KLHL29: variants seen among roughly 807,000 people sequenced by gnomAD.
KLHL29 encodes kelch-like protein 29.
A neutral mutation model predicts 80.4 loss-of-function variants in KLHL29; 21 were observed. The ratio of observed to expected loss-of-function variants is 0.26; its 90% CI spans 0.19 to 0.38. The LOEUF (loss-of-function observed/expected upper bound fraction) is 0.38, where lower values mean the gene tolerates loss of function less well. Among genes scored for constraint, KLHL29 ranks in the 10% least tolerant of loss-of-function variants. The pLI is 1.00. For missense variants in KLHL29, 867 were observed against 1,223.9 expected, an observed-to-expected ratio of 0.71 and a Z score of 4.35; for synonymous variants, 511 against 526.8, an observed-to-expected ratio of 0.97 and a Z score of 0.41.
At chr2:23,416,774 G>A (rs935446168) in intron 1 of KLHL29, among the ~76,000 whole-genome samples, 2 of 152,148 alleles carry the variant, frequency 1.3e-5, no homozygotes, top group Admixed American at 6.5e-5. Flanking sequence ...CCCTCCTGGG[G>A]CTCCATCTTT....
chr2:23,502,172 G>C (rs777532809), intron 2 of KLHL29, among the ~76,000 whole-genome samples: 1 of 152,114 alleles, frequency 6.6e-6, no homozygotes, highest in Non-Finnish European at 1.5e-5. Flanking sequence ...TCAGACATTC[G>C]CAATGCCTCC....
rs1259146710 is a variant in KLHL29 at position 23,497,233 on chromosome 2, AAAGT to A, written c.-46+21571_-46+21574del. On this transcript the variant is annotated intron_variant, in intron 2 of 13. Coordinates refer to ENST00000486442, the MANE Select transcript of KLHL29 (RefSeq NM_052920.2). ...ACTGCGATTACTTGAAAACGGGATG[AAAGT>A]AAGTGACTCCTTTTTTGTTTTCCTC... is the stretch of plus-strand genomic sequence containing the variant. Among the ~76,000 whole-genome samples the A allele has an allele frequency of 3.9e-5, 6 of 152,152 alleles. No individual in the cohort carries two copies. The South Asian group carries it at 6.2e-4, about 16-fold the overall frequency.
intron 13 of KLHL29, among the ~76,000 whole-genome samples, 159 bp from the exon 14 acceptor site, chr2:23,706,322 A>ACTAACAGAGTTAGTTAGT (rs1558454186): frequency 3.3e-5 from 5 of 152,246 alleles, no homozygotes; most frequent in African/African-American, 9.6e-5. Context: ...TGTTTTTCTT[A>ACTAACAGAGTTAGTTAGT]TGCCAGCCCA....
intron 2 of KLHL29, among the ~76,000 whole-genome samples, chr2:23,502,991 T>G (rs889011358): frequency 9.2e-5 from 14 of 152,204 alleles, no homozygotes; most frequent in African/African-American, 2.7e-4. Flanking sequence ...TTTTCTTTTT[T>G]TTGGCCTGTC....
At chr2:23,688,023 C>T (rs1671353018) in intron 6 of KLHL29, among the ~76,000 whole-genome samples, 1 of 152,168 alleles carries the variant, frequency 6.6e-6, no homozygotes, top group African/African-American at 2.4e-5. Context: ...AAGTCCTGCC[C>T]AGAGCCCCAC....
intron 3 of KLHL29, among the ~76,000 whole-genome samples, chr2:23,594,349 C>T (rs605518): frequency 0.032 from 4,894 of 152,200 alleles, 227 homozygotes; most frequent in African/African-American, 0.11. Flanking sequence ...ACTTCCTGCC[C>T]GGCTCCTCCG....
At chr2:23,601,377 A>G (rs1426802654) in intron 3 of KLHL29, among the ~76,000 whole-genome samples, 1 of 152,220 alleles carries the variant, frequency 6.6e-6, no homozygotes, top group Non-Finnish European at 1.5e-5. Flanking sequence ...GTGAATTTAT[A>G]TGAATAATTT....
chr2:23,469,778 C>T (rs1033649757), intron 1 of KLHL29, among the ~76,000 whole-genome samples: 5 of 152,112 alleles, frequency 3.3e-5, no homozygotes, highest in Admixed American at 2.0e-4. Context: ...TCCTCCCTGC[C>T]GACATCTTCA....
At position 23,703,352 on chromosome 2, in the gene KLHL29, T is replaced by C; in HGVS notation, c.2272T>C (p.Trp758Arg). Residue 758 changes from tryptophan to arginine, a missense_variant, in exon 12 of 14, where the codon TGG becomes CGG. Trp to Arg is a moderately radical substitution (Grantham distance 101). Transcript: ENST00000486442. ...GTCTTACGTTCCTCAGACCAACACG[T>C]GGAGCTTCATCGAGTCCCCAATGAT... The part of the protein sequence containing the change: ...LQSYVPQTNT[W>R]SFIESPMIDN... The C allele has an allele frequency of 6.6e-7, 1 of 1,522,626 alleles. No individual in the cohort carries two copies. Among genetic ancestry groups the C allele is most frequent in the Non-Finnish European group, 8.8e-7 (1 of 1,135,824 alleles). 94.3% of individuals were successfully genotyped at this position (1,522,626 alleles called of 1,614,324 possible). A position where few individuals can be genotyped will look rare whatever the true frequency, so the allele number is the denominator to read the frequency against.
chr2:23,401,308 C>T (rs1311817628), intron 1 of KLHL29, among the ~76,000 whole-genome samples: 1 of 152,162 alleles, frequency 6.6e-6, no homozygotes. Flanking sequence ...GCCGGTTTCC[C>T]TCTCTCCATT....
intron 1 of KLHL29, among the ~76,000 whole-genome samples, chr2:23,394,011 G>A (rs535387145): frequency 1.1e-4 from 17 of 152,300 alleles, no homozygotes; most frequent in Admixed American, 3.3e-4. Flanking sequence ...AGGTGTGGGC[G>A]GTGAGGGAAG....
chr2:23,456,852 G>A (rs1465635142), intron 1 of KLHL29, among the ~76,000 whole-genome samples: 2 of 152,244 alleles, frequency 1.3e-5, no homozygotes, highest in Admixed American at 6.5e-5. Context: ...GGCAATAGAT[G>A]CTGTCTCCCT....
intron 1 of KLHL29, among the ~76,000 whole-genome samples, chr2:23,431,310 G>A (rs578061469): frequency 6.6e-6 from 1 of 152,376 alleles, no homozygotes; most frequent in East Asian, 1.9e-4. Flanking sequence ...TAGAACAGCA[G>A]TGCAGTGAAT....
chr2:23,556,460 G>A (rs144863926), intron 2 of KLHL29, among the ~76,000 whole-genome samples: 123 of 149,980 alleles, frequency 8.2e-4, no homozygotes, highest in African/African-American at 2.9e-3. Context: ...CCAAAATGGC[G>A]AAACCCCATT....
At chr2:23,393,550 G>T (rs934636227) in intron 1 of KLHL29, among the ~76,000 whole-genome samples, 2 of 152,042 alleles carry the variant, frequency 1.3e-5, no homozygotes, top group African/African-American at 4.8e-5. Context: ...ATCGTTTTAA[G>T]GAAAAAATGA....
At chr2:23,526,218 G>T (rs367687417) in intron 2 of KLHL29, among the ~76,000 whole-genome samples, 1 of 152,286 alleles carries the variant, frequency 6.6e-6, no homozygotes, top group African/African-American at 2.4e-5. Flanking sequence ...GGATGCCCAC[G>T]TGCAGTCGTG....
chr2:23,499,892 G>A (rs755200159), intron 2 of KLHL29, among the ~76,000 whole-genome samples: 4 of 152,368 alleles, frequency 2.6e-5, no homozygotes, highest in Middle Eastern at 3.4e-3. Context: ...TGGCTGAGAT[G>A]GGTGGGAACA....
intron 1 of KLHL29, among the ~76,000 whole-genome samples, chr2:23,387,928 A>G (rs1382983731): frequency 2.0e-5 from 3 of 152,174 alleles, no homozygotes; most frequent in African/African-American, 4.8e-5. Flanking sequence ...CTTATAAACC[A>G]TATTTGCCTG....
At chr2:23,629,566 G>A (rs1423586361) in intron 3 of KLHL29, among the ~76,000 whole-genome samples, 1 of 152,230 alleles carries the variant, frequency 6.6e-6, no homozygotes, top group Non-Finnish European at 1.5e-5. Context: ...CCATCCACTG[G>A]GAGGGGGGCT....
Sources: allele counts gnomAD v4.1 joint callset (sites outside exome capture counted in the v4.1 genomes callset), GRCh38; gene constraint gnomAD v4.1.1; transcripts MANE v1.5; gene names NCBI Gene and HGNC (gene_info 2026-07-23, HGNC 2026-07-21).